The following RGMB variants were observed in gnomAD, a reference collection of about 807,000 sequenced individuals.
RGMB encodes the protein repulsive guidance molecule B.
RGMB carries 16 observed loss-of-function variants against 26.9 expected under a neutral mutation model. The ratio of observed to expected loss-of-function variants is 0.60; its 90% CI spans 0.40 to 0.90. RGMB has a LOEUF of 0.90. Ranked by LOEUF, RGMB falls within the 40% of genes least tolerant of loss-of-function variation. The probability of loss-of-function intolerance (pLI) is 0.00; values close to 1 mark genes in which losing one functional copy is unlikely to be tolerated. For missense variants in RGMB, 512 were observed against 573.3 expected (o/e 0.89, Z 1.09); for synonymous variants, 225 against 229.3 (o/e 0.98, Z 0.17).
At position 98,779,938 on chromosome 5, in the gene RGMB, G is replaced by A. The variant is rs76606616; in HGVS notation, c.495G>A (p.Leu165=). The part of the protein sequence containing the change: ...QNPPSYLFCG[L]FGDPHLRTFK... ...CTCCCAGTTACCTTTTTTGTGGCTTGTTTGGAGATCCTCACCTCAGAACTT... is the reference window on the plus strand; with the variant it reads ...CTCCCAGTTACCTTTTTTGTGGCTTATTTGGAGATCCTCACCTCAGAACTT... The change falls in exon 2 of 3, where the codon TTG becomes TTA. Residue 165 remains leucine (L), a synonymous_variant. Coordinates refer to ENST00000513185, the MANE Select transcript of RGMB (RefSeq NM_001366508.1). 5.7e-6 allele frequency: 9 copies of A among 1,579,438 alleles called. No homozygotes were observed. The highest frequency in any genetic ancestry group is 1.8e-5 in the Admixed American group (1 of 56,080).
At chr5:98,773,274 C>G (rs1036024372), upstream of RGMB, 1 of 152,016 alleles carries the variant, frequency 6.6e-6, no homozygotes, top group Non-Finnish European at 1.5e-5. Context: ...TGAATCGGAT[C>G]ACATTAATTC....
rs1042309370 is a variant in RGMB, at chr5:98,795,526, TGA to T, written c.*1778_*1779del. On this transcript the variant is annotated 3_prime_UTR_variant, in exon 3 of 3. Coordinates refer to ENST00000513185, the MANE Select transcript of RGMB (RefSeq NM_001366508.1). ...GTGGCAAACCTCTACCTTGTGTTGATGAGAGAATAATCTTGGGCAGTCTGGGA... is the reference window on the plus strand; with the variant it reads ...GTGGCAAACCTCTACCTTGTGTTGATGAGAATAATCTTGGGCAGTCTGGGA... 9.2e-5 allele frequency: 14 copies of T among 152,310 alleles called. No homozygotes were observed. Among genetic ancestry groups the T allele is most frequent in the African/African-American group, 3.1e-4 (13 of 41,570 alleles). The allele number at this position is 152,310 out of a possible 1,614,324, so 9.4% of individuals were successfully genotyped here.
Position 98,794,087 on chromosome 5 carries a change from A to ACATC in RGMB, c.*338_*341dup, listed in dbSNP as rs138115694. The ACATC allele has an allele frequency of 1.1e-3, 187 of 169,816 alleles. 3 individuals carry two copies. The East Asian group carries it at 0.028, about 25-fold the overall frequency. 10.5% of individuals were successfully genotyped at this position (169,816 alleles called of 1,614,324 possible). On this transcript the variant is annotated 3_prime_UTR_variant, in exon 3 of 3. Transcript: ENST00000513185. ...TGATATGTATAGTACATATACACAG[A>ACATC]CATCCATATGCAGCGTTTCCTTTGA...
At chr5:98,779,021 ATTT>A (rs891255627) in intron 1 of RGMB, among the ~76,000 whole-genome samples, 1 of 147,046 alleles carries the variant, frequency 6.8e-6, no homozygotes, top group Admixed American at 6.8e-5. Context: ...CAGTACCTGG[ATTT>A]TTTTTTTTCT....
rs181470223 is a variant in RGMB at position 98,793,980 on chromosome 5, A to G, written c.*227A>G. 231 of 434,944 alleles carry G rather than the reference A, an allele frequency of 5.3e-4. No homozygotes were observed. In the East Asian group the frequency reaches 8.6e-3, roughly 16 times the overall value. 26.9% of individuals were successfully genotyped at this position (434,944 alleles called of 1,614,324 possible). ...CAATTTTGTTTTGCAGTTCTGTGAA[A>G]TGTTTTATAATGTCCCTGCCCAGGG... On this transcript the variant is annotated 3_prime_UTR_variant, in exon 3 of 3. Coordinates refer to ENST00000513185, the MANE Select transcript of RGMB (RefSeq NM_001366508.1).
At chr5:98,783,831 C>T (rs1393318241) in intron 2 of RGMB, among the ~76,000 whole-genome samples, 1 of 152,168 alleles carries the variant, frequency 6.6e-6, no homozygotes, top group East Asian at 1.9e-4. Flanking sequence ...AAGTTGCATA[C>T]CTAAACAAAC....
In RGMB at chr5:98,773,856, C is replaced by T. The variant is rs556080860; in HGVS notation, c.-215C>T. On this transcript the variant is annotated 5_prime_UTR_variant, in exon 1 of 3. Coordinates refer to ENST00000513185, the MANE Select transcript of RGMB (RefSeq NM_001366508.1). ...CTGCCGCCTCCGGCCGCCACGATGC[C>T]CCTGCGCCCCGCTGCTGCCGCCGCG... 15 of 486,770 alleles carry T rather than the reference C, an allele frequency of 3.1e-5. No homozygotes were observed. The highest frequency in any genetic ancestry group is 8.8e-5 in the Admixed American group (2 of 22,676). 30.2% of individuals were successfully genotyped at this position (486,770 alleles called of 1,614,324 possible). A position where few individuals can be genotyped will look rare whatever the true frequency, so the allele number is the denominator to read the frequency against.
In RGMB at chr5:98,774,035, C is replaced by T. The variant is rs1236465350; in HGVS notation, c.-36C>T. 1.4e-5 allele frequency: 10 copies of T among 740,068 alleles called. No homozygotes were observed. Among genetic ancestry groups the T allele is most frequent in the Non-Finnish European group, 2.2e-5 (10 of 450,742 alleles). 45.8% of individuals were successfully genotyped at this position (740,068 alleles called of 1,614,324 possible). ...ACCCGCCACGGCGCCCGCGCCGCCG[C>T]CCTCGCCGGAGCCCACGAGACCTGC... On this transcript the variant is annotated 5_prime_UTR_variant, in exon 1 of 3. Transcript: ENST00000513185.
At chr5:98,778,602 G>T (rs767621941) in intron 1 of RGMB, among the ~76,000 whole-genome samples, 1 of 152,100 alleles carries the variant, frequency 6.6e-6, no homozygotes, top group Admixed American at 6.5e-5. Context: ...TAAGTCTGTT[G>T]TTTCCATTTT....
chr5:98,770,632 TCCCGCTGAG>T, upstream of RGMB: 2 of 1,408,022 alleles, frequency 1.4e-6, no homozygotes, highest in Non-Finnish European at 1.9e-6. Context: ...GGCCCCCTGA[TCCCGCTGAG>T]CCCCCTCCAG....
chr5:98,795,090 A>T lies in RGMB; in HGVS notation c.*1337A>T, dbSNP rs1016915565. On this transcript the variant is annotated 3_prime_UTR_variant, in exon 3 of 3. Coordinates refer to ENST00000513185, the MANE Select transcript of RGMB (RefSeq NM_001366508.1). Reference sequence around the variant, plus strand: ...CTTGGAGAAATTCCTATAAAGTAAGATCTCCTTGCCTCTTCCATCCATTGT... The same window carrying T: ...CTTGGAGAAATTCCTATAAAGTAAGTTCTCCTTGCCTCTTCCATCCATTGT... 1 of 152,122 alleles carries T rather than the reference A, an allele frequency of 6.6e-6. No homozygotes were observed. Among genetic ancestry groups the T allele is most frequent in the African/African-American group, 2.4e-5 (1 of 41,416 alleles). The allele number at this position is 152,122 out of a possible 1,614,324, so 9.4% of individuals were successfully genotyped here. A position where few individuals can be genotyped will look rare whatever the true frequency, so the allele number is the denominator to read the frequency against.
upstream of RGMB, chr5:98,773,606 A>C (rs1276034947): frequency 4.0e-6 from 1 of 252,206 alleles, no homozygotes; most frequent in African/African-American, 2.3e-5. Flanking sequence ...TGGCGGGCAC[A>C]GGGCGGGGCG....
rs1366318220 is a variant in RGMB at position 98,796,049 on chromosome 5, A to G, written c.*2296A>G. ...TTGTAATCGGTGTCCCTGTAAAACAATCCCCACAGATTACTTTCAGAAATA... is the reference window on the plus strand; with the variant it reads ...TTGTAATCGGTGTCCCTGTAAAACAGTCCCCACAGATTACTTTCAGAAATA... On this transcript the variant is annotated 3_prime_UTR_variant, in exon 3 of 3. Coordinates refer to ENST00000513185, the MANE Select transcript of RGMB (RefSeq NM_001366508.1). The G allele has an allele frequency of 6.6e-6, 1 of 152,184 alleles. No individual in the cohort carries two copies. The highest frequency in any genetic ancestry group is 1.9e-4 in the East Asian group (1 of 5,202). The allele number at this position is 152,184 out of a possible 1,614,324, so 9.4% of individuals were successfully genotyped here.
At chr5:98,780,469 C>T (rs1200369868) in intron 2 of RGMB, 1 of 164,784 alleles carries the variant, frequency 6.1e-6, no homozygotes, top group Non-Finnish European at 1.3e-5. Flanking sequence ...AGTGGGTGTT[C>T]TGAATAAAGA....
chr5:98,774,866 C>G (rs1746344719), intron 1 of RGMB, among the ~76,000 whole-genome samples: 1 of 152,184 alleles, frequency 6.6e-6, no homozygotes. Flanking sequence ...GATAACCATG[C>G]TGCCTTCTGG....
At chr5:98,782,294 C>A (rs1296549669) in intron 2 of RGMB, among the ~76,000 whole-genome samples, 1 of 152,174 alleles carries the variant, frequency 6.6e-6, no homozygotes, top group Non-Finnish European at 1.5e-5. Flanking sequence ...CTAAATCTTA[C>A]AATACGTTCC....
chr5:98,787,104 C>G (rs1746787363), intron 2 of RGMB, among the ~76,000 whole-genome samples: 1 of 152,108 alleles, frequency 6.6e-6, no homozygotes, highest in South Asian at 2.1e-4. Flanking sequence ...CGAGGTCTTC[C>G]CCTCACCCTA....
In RGMB at chr5:98,779,771, T is replaced by C. The variant is rs1746529912; in HGVS notation, c.328T>C (p.Leu110=). The change falls in exon 2 of 3, where the codon TTG becomes CTG. Residue 110 remains leucine (L), a synonymous_variant. Transcript: ENST00000513185. The stretch of plus-strand genomic sequence containing the variant: ...CAACCTGGTATACCATTCTGCCGTG[T>C]TGGGTATCAGTGACCTCATGAGCCA... ...RGNLVYHSAV[L]GISDLMSQRN... The C allele has an allele frequency of 1.2e-6, 2 of 1,613,938 alleles. No individual in the cohort carries two copies. The highest frequency in any genetic ancestry group is 1.1e-5 in the South Asian group (1 of 91,084).
chr5:98,774,018 C>T lies in RGMB; in HGVS notation c.-53C>T. 1.5e-6 allele frequency: 1 copy of T among 664,598 alleles called. No homozygotes were observed. The highest frequency in any genetic ancestry group is 2.6e-6 in the Non-Finnish European group (1 of 382,284). 41.2% of individuals were successfully genotyped at this position (664,598 alleles called of 1,614,324 possible). A position where few individuals can be genotyped will look rare whatever the true frequency, so the allele number is the denominator to read the frequency against. On this transcript the variant is annotated 5_prime_UTR_variant, in exon 1 of 3. The change creates a new upstream start codon in the 5' untranslated region. Transcript: ENST00000513185. ...CGCAGCCACGGGCCCAGACCCGCCA[C>T]GGCGCCCGCGCCGCCGCCCTCGCCG...
Sources: gnomAD v4.1 joint callset for allele counts (sites outside exome capture counted in the v4.1 genomes callset) on GRCh38, gnomAD v4.1.1 for gene constraint, MANE v1.5 for transcripts, NCBI Gene and HGNC (gene_info 2026-07-23, HGNC 2026-07-21) for gene names.